The following GAD2 variants were observed in gnomAD, a reference collection of about 807,000 sequenced individuals.
The protein encoded by GAD2 is 65 kDa glutamic acid decarboxylase.
A neutral mutation model predicts 80.1 loss-of-function variants in GAD2; 22 were observed. The ratio of observed to expected loss-of-function variants is 0.27; its 90% CI spans 0.20 to 0.39. GAD2 has a LOEUF of 0.39. Among genes scored for constraint, GAD2 ranks in the 10% least tolerant of loss-of-function variants. The probability of loss-of-function intolerance (pLI) is 1.00; values close to 1 mark genes in which losing one functional copy is unlikely to be tolerated. For synonymous variants in GAD2, 274 were observed against 256.9 expected, an observed-to-expected ratio of 1.07 and a Z score of -0.64; for missense variants, 624 against 738.4, an observed-to-expected ratio of 0.85 and a Z score of 1.80.
At chr10:26,249,571 C>T (rs1484697689) in intron 8 of GAD2, among the ~76,000 whole-genome samples, 1 of 152,196 alleles carries the variant, frequency 6.6e-6, no homozygotes, top group East Asian at 1.9e-4. Flanking sequence ...TGGTAGCTGG[C>T]GTTCTCCAGT....
intron 12 of GAD2, 104 bp from the exon 13 acceptor site, chr10:26,286,241 A>G: frequency 2.0e-6 from 2 of 1,003,968 alleles, no homozygotes; most frequent in African/African-American, 1.7e-5. Context: ...TTCTTTCTCT[A>G]AGATATGCAA....
intron 7 of GAD2, among the ~76,000 whole-genome samples, chr10:26,234,719 T>TGTC (rs1844649323): frequency 6.6e-6 from 1 of 150,472 alleles, no homozygotes; most frequent in East Asian, 2.0e-4. Context: ...GTTGGGAGGG[T>TGTC]TCAATTAGAC....
At chr10:26,251,556 C>T (rs1401161514) in intron 8 of GAD2, among the ~76,000 whole-genome samples, 4 of 152,238 alleles carry the variant, frequency 2.6e-5, no homozygotes, top group African/African-American at 9.6e-5. Flanking sequence ...CCCTGCTATA[C>T]ATTTTTCTAT....
At chr10:26,261,518 T>C (rs749672647) in intron 8 of GAD2, among the ~76,000 whole-genome samples, 3 of 152,172 alleles carry the variant, frequency 2.0e-5, no homozygotes, top group Non-Finnish European at 4.4e-5. Flanking sequence ...GTGAAGCTAT[T>C]AGGTCCTGGG....
intron 4 of GAD2, among the ~76,000 whole-genome samples, chr10:26,223,482 AAGG>A (rs1844479371): frequency 1.3e-5 from 2 of 152,196 alleles, no homozygotes; most frequent in African/African-American, 4.8e-5. Context: ...CATGAGTATA[AAGG>A]AGAAGTTACC....
intron 6 of GAD2, 108 bp downstream of exon 6, chr10:26,224,759 T>C: frequency 1.3e-6 from 1 of 743,256 alleles, no homozygotes; most frequent in South Asian, 1.7e-5. Context: ...TTAGGTTAAA[T>C]AGACTGTGTG....
intron 8 of GAD2, among the ~76,000 whole-genome samples, chr10:26,267,856 A>G (rs1480589777): frequency 6.6e-6 from 1 of 152,202 alleles, no homozygotes. Context: ...AATGTGATAG[A>G]AGTAATTTGT....
At chr10:26,252,905 G>A (rs1322106587) in intron 8 of GAD2, among the ~76,000 whole-genome samples, 2 of 152,044 alleles carry the variant, frequency 1.3e-5, no homozygotes, top group African/African-American at 2.4e-5. Flanking sequence ...TGATCCACCC[G>A]CCTCGACCTC....
intron 12 of GAD2, among the ~76,000 whole-genome samples, chr10:26,281,566 T>C (rs900564464): frequency 6.6e-6 from 1 of 152,202 alleles, no homozygotes; most frequent in African/African-American, 2.4e-5. Context: ...CTGTAATCTC[T>C]GATTACAGAT....
intron 8 of GAD2, among the ~76,000 whole-genome samples, chr10:26,264,770 G>A (rs1204451344): frequency 1.3e-5 from 2 of 152,180 alleles, no homozygotes; most frequent in African/African-American, 4.8e-5. Context: ...GCTGCTGATA[G>A]TGCTGCTATT....
intron 8 of GAD2, among the ~76,000 whole-genome samples, chr10:26,247,049 A>G (rs1483429868): frequency 6.6e-6 from 1 of 152,248 alleles, no homozygotes; most frequent in East Asian, 1.9e-4. Flanking sequence ...GGGTGAGTCC[A>G]TAGAGTGAAA....
intron 7 of GAD2, among the ~76,000 whole-genome samples, chr10:26,242,484 A>G (rs1469417562): frequency 6.6e-6 from 1 of 152,212 alleles, no homozygotes; most frequent in East Asian, 1.9e-4. Context: ...CCAGAGAGAC[A>G]TGCCATTTAA....
intron 8 of GAD2, among the ~76,000 whole-genome samples, chr10:26,253,635 G>A (rs1844908190): frequency 6.6e-6 from 1 of 152,344 alleles, no homozygotes; most frequent in South Asian, 2.1e-4. Flanking sequence ...GCTCCTGTGA[G>A]CTCCATCTTT....
At chr10:26,292,269 A>G (rs1442606378) in intron 13 of GAD2, among the ~76,000 whole-genome samples, 196 bp from the exon 14 acceptor site, 1 of 152,216 alleles carries the variant, frequency 6.6e-6, no homozygotes, top group Non-Finnish European at 1.5e-5. Context: ...AGCAGTAATG[A>G]AAGGGAACAA....
At chr10:26,272,750 G>A (rs1024320314) in intron 10 of GAD2, among the ~76,000 whole-genome samples, 5 of 152,142 alleles carry the variant, frequency 3.3e-5, no homozygotes, top group African/African-American at 1.2e-4. Flanking sequence ...TGTAATCCCA[G>A]CTACTTGGGA....
At chr10:26,234,618 G>T (rs1844647587) in intron 7 of GAD2, among the ~76,000 whole-genome samples, 1 of 152,174 alleles carries the variant, frequency 6.6e-6, no homozygotes, top group Non-Finnish European at 1.5e-5. Flanking sequence ...TGTACTAGTT[G>T]TGTGACACTG....
intron 8 of GAD2, among the ~76,000 whole-genome samples, chr10:26,260,008 A>T (rs1844990437): frequency 6.6e-6 from 1 of 152,204 alleles, no homozygotes; most frequent in Admixed American, 6.5e-5. Context: ...AATCTGTCAT[A>T]GTATTTGATG....
intron 10 of GAD2, among the ~76,000 whole-genome samples, chr10:26,273,036 T>C (rs568101438): frequency 1.5e-4 from 23 of 152,256 alleles, no homozygotes; most frequent in Non-Finnish European, 3.2e-4. Flanking sequence ...CATTCTATTT[T>C]TAAAGGAGAT....
At chr10:26,243,385 G>A (rs1326844258) in intron 7 of GAD2, among the ~76,000 whole-genome samples, 2 of 152,216 alleles carry the variant, frequency 1.3e-5, no homozygotes, top group Non-Finnish European at 2.9e-5. Context: ...TTCGAAGAGA[G>A]AGGACCCTCT....
Sources: allele counts gnomAD v4.1 joint callset (sites outside exome capture counted in the v4.1 genomes callset), GRCh38; gene constraint gnomAD v4.1.1; transcripts MANE v1.5; gene names NCBI Gene and HGNC (gene_info 2026-07-23, HGNC 2026-07-21).